The following CLSTN2 variants were observed in gnomAD, a reference collection of about 807,000 sequenced individuals.
CLSTN2 encodes calsyntenin-2.
Under a neutral mutation model 101.2 loss-of-function variants are expected in CLSTN2, and 48 were observed. That is an observed-to-expected ratio of 0.47 (90% CI 0.38 to 0.60). The LOEUF is 0.60. Ranked by LOEUF, CLSTN2 falls within the 20% of genes least tolerant of loss-of-function variation. The pLI is 0.00. For synonymous variants in CLSTN2, 481 were observed against 463.6 expected (o/e 1.04, Z -0.48); for missense variants, 1,160 against 1,238.2 (o/e 0.94, Z 0.95).
chr3:140,180,410 G>A (rs1439430511), intron 2 of CLSTN2, among the ~76,000 whole-genome samples: 1 of 152,154 alleles, frequency 6.6e-6, no homozygotes, highest in Non-Finnish European at 1.5e-5. Flanking sequence ...AAGTCCACTA[G>A]ACTTGTCTCA....
chr3:140,142,002 A>C (rs1405317022), intron 1 of CLSTN2, among the ~76,000 whole-genome samples: 1 of 152,258 alleles, frequency 6.6e-6, no homozygotes, highest in African/African-American at 2.4e-5. Context: ...GAACTGTTCA[A>C]CTGGGATAAA....
chr3:140,351,482 A>C (rs1284258175), intron 2 of CLSTN2, among the ~76,000 whole-genome samples: 2 of 152,228 alleles, frequency 1.3e-5, no homozygotes, highest in Non-Finnish European at 2.9e-5. Context: ...CACCCTAATC[A>C]ATAGTAAATA....
intron 2 of CLSTN2, among the ~76,000 whole-genome samples, chr3:140,393,508 G>T (rs1302720058): frequency 6.6e-6 from 1 of 152,206 alleles, no homozygotes; most frequent in Non-Finnish European, 1.5e-5. Flanking sequence ...GAAACTCCAT[G>T]CCTGCTAGAT....
intron 1 of CLSTN2, among the ~76,000 whole-genome samples, chr3:140,119,110 G>A (rs115284863): frequency 5.9e-5 from 9 of 152,336 alleles, no homozygotes; most frequent in Middle Eastern, 3.4e-3. Flanking sequence ...TGGAAGTGGG[G>A]TTTGAGATGT....
chr3:140,154,887 G>A (rs995127185), intron 1 of CLSTN2, among the ~76,000 whole-genome samples: 6 of 151,916 alleles, frequency 3.9e-5, no homozygotes, highest in African/African-American at 9.7e-5. Flanking sequence ...CTCGTGATCC[G>A]CCCGCCTCAG....
At chr3:139,980,983 T>C (rs1935906824) in intron 1 of CLSTN2, among the ~76,000 whole-genome samples, 1 of 152,040 alleles carries the variant, frequency 6.6e-6, no homozygotes, top group Non-Finnish European at 1.5e-5. Flanking sequence ...CCTAGATAAC[T>C]GAAATTAATG....
At chr3:140,024,707 C>A (rs998022629) in intron 1 of CLSTN2, among the ~76,000 whole-genome samples, 1 of 152,144 alleles carries the variant, frequency 6.6e-6, no homozygotes, top group Non-Finnish European at 1.5e-5. Context: ...CTTAGGAGAA[C>A]TTAGGACTTA....
At chr3:140,387,811 G>A (rs546450653) in intron 2 of CLSTN2, among the ~76,000 whole-genome samples, 1 of 152,344 alleles carries the variant, frequency 6.6e-6, no homozygotes, top group Admixed American at 6.5e-5. Flanking sequence ...AAATGTCATA[G>A]TAGACGTGGG....
intron 2 of CLSTN2, among the ~76,000 whole-genome samples, chr3:140,346,910 G>A (rs1306167414): frequency 2.6e-5 from 4 of 152,184 alleles, no homozygotes; most frequent in African/African-American, 9.6e-5. Flanking sequence ...ACCTAAACTA[G>A]TAGCACAGAT....
intron 1 of CLSTN2, among the ~76,000 whole-genome samples, chr3:140,006,350 A>C (rs1020036423): frequency 1.3e-5 from 2 of 152,234 alleles, no homozygotes; most frequent in African/African-American, 4.8e-5. Flanking sequence ...CTTATGAAAA[A>C]TTCAAAGCCT....
chr3:140,014,430 G>C (rs1279209522), intron 1 of CLSTN2, among the ~76,000 whole-genome samples: 1 of 151,980 alleles, frequency 6.6e-6, no homozygotes, highest in Admixed American at 6.5e-5. Flanking sequence ...TGTTGGCCAG[G>C]CTGGTCTCAA....
intron 2 of CLSTN2, among the ~76,000 whole-genome samples, chr3:140,250,230 A>G (rs2086550820): frequency 6.6e-6 from 1 of 152,208 alleles, no homozygotes; most frequent in African/African-American, 2.4e-5. Flanking sequence ...TTCACTCAGC[A>G]CAAGTTCACT....
chr3:140,062,163 C>A (rs573082317), intron 1 of CLSTN2, among the ~76,000 whole-genome samples: 3 of 152,082 alleles, frequency 2.0e-5, no homozygotes, highest in African/African-American at 7.2e-5. Flanking sequence ...CGTAGAGCCC[C>A]GGGTACTCAG....
intron 2 of CLSTN2, among the ~76,000 whole-genome samples, chr3:140,254,533 A>C (rs2086589332): frequency 6.6e-6 from 1 of 152,198 alleles, no homozygotes; most frequent in Admixed American, 6.5e-5. Flanking sequence ...CTGTGTGTGT[A>C]TCCTATGTGG....
intron 1 of CLSTN2, among the ~76,000 whole-genome samples, chr3:139,962,304 A>G (rs1177479267): frequency 6.6e-6 from 1 of 152,180 alleles, no homozygotes; most frequent in Non-Finnish European, 1.5e-5. Context: ...AAGTGCACAT[A>G]TTGAAAGTAT....
At chr3:140,553,301 A>G (rs1559902645) in intron 10 of CLSTN2, among the ~76,000 whole-genome samples, 1 of 152,230 alleles carries the variant, frequency 6.6e-6, no homozygotes, top group Non-Finnish European at 1.5e-5. Context: ...TCATATATTT[A>G]ATATCTTGTA....
chr3:140,015,465 A>C (rs568682869), intron 1 of CLSTN2, among the ~76,000 whole-genome samples: 1 of 152,300 alleles, frequency 6.6e-6, no homozygotes, highest in East Asian at 1.9e-4. Context: ...AGTATTGCAA[A>C]ACAAAAGCCA....
chr3:140,103,803 T>A (rs1052480477), intron 1 of CLSTN2, among the ~76,000 whole-genome samples: 12 of 152,194 alleles, frequency 7.9e-5, no homozygotes, highest in African/African-American at 2.7e-4. Flanking sequence ...CTTGTCCCAG[T>A]TGGGCTCTCA....
intron 8 of CLSTN2, among the ~76,000 whole-genome samples, chr3:140,517,235 G>A (rs1934938463): frequency 6.6e-6 from 1 of 151,980 alleles, no homozygotes; most frequent in Non-Finnish European, 1.5e-5. Flanking sequence ...TTCATATGTT[G>A]TATTCATTAA....
Sources: gnomAD v4.1 joint callset for allele counts (sites outside exome capture counted in the v4.1 genomes callset) on GRCh38, gnomAD v4.1.1 for gene constraint, MANE v1.5 for transcripts, NCBI Gene and HGNC (gene_info 2026-07-23, HGNC 2026-07-21) for gene names.